Variants in ZFYVE1 observed in about 807,000 individuals in gnomAD.
ZFYVE1 encodes zinc finger FYVE-type containing 1, also known as zinc finger FYVE domain-containing protein 1.
ZFYVE1 carries 30 observed loss-of-function variants against 74.4 expected under a neutral mutation model. The observed-to-expected ratio is 0.40, with a 90% CI of 0.30 to 0.55. The LOEUF is 0.55. Ranked by LOEUF, ZFYVE1 falls within the 20% of genes least tolerant of loss-of-function variation. The pLI, the probability that ZFYVE1 is intolerant of heterozygous loss-of-function variation, is 0.42. For missense variants in ZFYVE1, 703 were observed against 1,011.6 expected (o/e 0.69, Z 4.14); for synonymous variants, 335 against 385.1 (o/e 0.87, Z 1.52).
chr14:72,972,739 G>A (rs866504386), intron 11 of ZFYVE1, among the ~76,000 whole-genome samples: 1 of 147,146 alleles, frequency 6.8e-6, no homozygotes, highest in African/African-American at 2.5e-5. Context: ...ACAGAGTCTC[G>A]CTCTGTTGCC....
Position 73,012,004 on chromosome 14 carries a change from C to T in ZFYVE1, c.483+12022G>A, listed in dbSNP as rs575971951. The stretch of plus-strand genomic sequence containing the variant: ...GCCGAGGCAGAAGGATCATGTGAGG[C>T]CAGGACTTTGAGACCAGCCTGGGCA... On this transcript the variant is annotated intron_variant, in intron 2 of 11. Transcript: ENST00000556143. 4.2e-4 allele frequency among the ~76,000 whole-genome samples: 64 copies of T among 151,584 alleles called. 1 individual carries two copies. The highest frequency in any genetic ancestry group is 1.4e-3 in the African/African-American group (57 of 41,390).
In ZFYVE1 at chr14:72,969,478, A is replaced by G; in HGVS notation, c.*1404T>C. 1 of 481,504 alleles carries G rather than the reference A, an allele frequency of 2.1e-6. No individual in the cohort carries two copies. The highest frequency in any genetic ancestry group is 3.8e-5 in the Admixed American group (1 of 26,446). 29.8% of individuals were successfully genotyped at this position (481,504 alleles called of 1,614,324 possible). On this transcript the variant is annotated 3_prime_UTR_variant, in exon 12 of 12. Transcript: ENST00000556143. The stretch of plus-strand genomic sequence containing the variant: ...CAGGAAGATTCCTTTATGATGGCGA[A>G]TTGGATGGTACACAGTTCTAGAGTA...
Position 72,997,856 on chromosome 14 carries a change from C to T in ZFYVE1, c.943G>A (p.Val315Ile). 1.2e-6 allele frequency: 2 copies of T among 1,609,980 alleles called. No individual in the cohort carries two copies. The highest frequency in any genetic ancestry group is 1.7e-6 in the Non-Finnish European group (2 of 1,176,650). ...DVPLSTLGPA[V>I]IIFHETVHTQ... ...TGCACGGTCTCATGGAAGATGATAACTGCAGGGCCCAGTGTGGATAAAGGG... is the reference window on the plus strand; with the variant it reads ...TGCACGGTCTCATGGAAGATGATAATTGCAGGGCCCAGTGTGGATAAAGGG... The change falls in exon 3 of 12, where the codon GTT becomes ATT. Residue 315 changes from valine to isoleucine, a missense_variant. Transcript: ENST00000556143.
At chr14:73,013,627 G>C (rs752899458) in intron 2 of ZFYVE1, among the ~76,000 whole-genome samples, 3 of 151,560 alleles carry the variant, frequency 2.0e-5, no homozygotes, top group Non-Finnish European at 4.4e-5. Context: ...AACAAGAAAA[G>C]AAGGGGAAAA....
chr14:72,991,183 A>ATTTTTT (rs57153409), intron 4 of ZFYVE1, among the ~76,000 whole-genome samples: 5 of 83,568 alleles, frequency 6.0e-5, no homozygotes, highest in Admixed American at 1.6e-4. Flanking sequence ...CCCTGATGGT[A>ATTTTTT]TTTTTTTTTT....
At chr14:73,004,208 G>A (rs74062631) in intron 2 of ZFYVE1, among the ~76,000 whole-genome samples, 1,619 of 152,230 alleles carry the variant, frequency 0.011, 27 homozygotes, top group African/African-American at 0.034. Context: ...AAGCTCTACC[G>A]GCACGGAGTC....
chr14:73,012,392 C>A (rs1447889272), intron 2 of ZFYVE1, among the ~76,000 whole-genome samples: 1 of 152,082 alleles, frequency 6.6e-6, no homozygotes, highest in Non-Finnish European at 1.5e-5. Flanking sequence ...GAGGCTGAGG[C>A]GGGTGGATCA....
At position 72,969,566 on chromosome 14, in the gene ZFYVE1, A is replaced by G; in HGVS notation, c.*1316T>C. ...AGGGCTGAGAGGGACGACACACTCC[A>G]GGGCTCATGTCACACCGATAGGCGC... On this transcript the variant is annotated 3_prime_UTR_variant, in exon 12 of 12. Coordinates refer to ENST00000556143, the MANE Select transcript of ZFYVE1 (RefSeq NM_021260.4). The G allele has an allele frequency of 4.8e-6, 3 of 631,058 alleles. No individual in the cohort carries two copies. Among genetic ancestry groups the G allele is most frequent in the Non-Finnish European group, 8.5e-6 (3 of 353,170 alleles). The allele number at this position is 631,058 out of a possible 1,614,324, so 39.1% of individuals were successfully genotyped here. A position where few individuals can be genotyped will look rare whatever the true frequency, so the allele number is the denominator to read the frequency against.
chr14:73,019,924 C>T (rs1027583059), intron 2 of ZFYVE1, among the ~76,000 whole-genome samples: 3 of 149,976 alleles, frequency 2.0e-5, no homozygotes, highest in South Asian at 2.1e-4. Flanking sequence ...GCACTCCAGC[C>T]GGGGCAACAG....
chr14:72,994,322 CAAAAAAAAAAAAAAAAAAA>C (rs71109776), intron 3 of ZFYVE1, among the ~76,000 whole-genome samples: 1 of 31,128 alleles, frequency 3.2e-5, no homozygotes, highest in African/African-American at 1.2e-4. Flanking sequence ...GACGCTGTCT[CAAAAAAAAAAAAAAAAAAA>C]AAAAAAAAGT....
intron 2 of ZFYVE1, among the ~76,000 whole-genome samples, chr14:73,005,709 C>G (rs991121887): frequency 6.6e-6 from 1 of 152,156 alleles, no homozygotes; most frequent in Non-Finnish European, 1.5e-5. Flanking sequence ...AGCACAGTGC[C>G]TGGCATGGAG....
At chr14:73,007,011 C>G (rs1194767108) in intron 2 of ZFYVE1, among the ~76,000 whole-genome samples, 1 of 152,034 alleles carries the variant, frequency 6.6e-6, no homozygotes, top group East Asian at 1.9e-4. Flanking sequence ...CTGCGCCCAG[C>G]CCCAATTTAG....
intron 2 of ZFYVE1, among the ~76,000 whole-genome samples, chr14:73,003,741 T>C (rs975572604): frequency 1.3e-5 from 2 of 152,076 alleles, no homozygotes; most frequent in African/African-American, 4.8e-5. Flanking sequence ...CTCATTATTA[T>C]ATTAATGACA....
chr14:72,992,622 C>CT (rs1555532812), intron 4 of ZFYVE1, among the ~76,000 whole-genome samples: 1 of 112,962 alleles, frequency 8.9e-6, no homozygotes, highest in Non-Finnish European at 2.0e-5. Context: ...GGTGCCCCCC[C>CT]CGCCCCTTGC....
chr14:72,975,006 A>C lies in ZFYVE1; in HGVS notation c.1807-47T>G. On this transcript the variant is annotated intron_variant, in intron 9 of 11. Transcript: ENST00000556143. This position sits in a 1 kb window ranked among gnomAD's most constrained non-coding sequence, Gnocchi z 4.1. Reference sequence around the variant, plus strand: ...ACAGAGAGGCAGGTAGGTATGGTACATGTCTGCTCAGCTGAGAAAGTCAAC... The same window carrying C: ...ACAGAGAGGCAGGTAGGTATGGTACCTGTCTGCTCAGCTGAGAAAGTCAAC... 2 of 1,550,184 alleles carry C rather than the reference A, an allele frequency of 1.3e-6. No individual in the cohort carries two copies.
At chr14:73,000,931 G>A (rs1022003710) in intron 2 of ZFYVE1, among the ~76,000 whole-genome samples, 9 of 152,186 alleles carry the variant, frequency 5.9e-5, no homozygotes, top group African/African-American at 1.9e-4. Flanking sequence ...TTCAATATGC[G>A]TCGGTTATTC....
Position 72,975,977 on chromosome 14 carries a change from G to A in ZFYVE1, c.1636-256C>T, listed in dbSNP as rs1893159573. 1.3e-5 allele frequency: 5 copies of A among 394,426 alleles called. No homozygotes were observed. In the South Asian group the frequency reaches 2.4e-4, roughly 19 times the overall value. The allele number at this position is 394,426 out of a possible 1,614,324, so 24.4% of individuals were successfully genotyped here. ...CAGGAGATGACACCTCCTCCAGGGGGCCCCGCACCGCAGGCTGAGTTAAGA... is the reference window on the plus strand; with the variant it reads ...CAGGAGATGACACCTCCTCCAGGGGACCCCGCACCGCAGGCTGAGTTAAGA... On this transcript the variant is annotated intron_variant, in intron 8 of 11. Transcript: ENST00000556143. This position sits in a 1 kb window ranked among gnomAD's most constrained non-coding sequence, Gnocchi z 4.1.
intron 4 of ZFYVE1, among the ~76,000 whole-genome samples, chr14:72,991,415 T>C (rs2140360799): frequency 6.6e-6 from 1 of 152,204 alleles, no homozygotes; most frequent in East Asian, 1.9e-4. Context: ...GGTCTCGATC[T>C]CCTGACCTCG....
At chr14:72,984,157 C>G (rs1893416356) in intron 4 of ZFYVE1, among the ~76,000 whole-genome samples, 3 of 151,902 alleles carry the variant, frequency 2.0e-5, no homozygotes, top group Admixed American at 2.0e-4. Context: ...AAGCGGCAAC[C>G]CTGGACTTCA....
Sources: gnomAD v4.1 joint callset for allele counts (sites outside exome capture counted in the v4.1 genomes callset) on GRCh38, gnomAD v4.1.1 for gene constraint, Gnocchi (gnomAD v3.1) non-coding constraint, MANE v1.5 for transcripts, NCBI Gene and HGNC (gene_info 2026-07-23, HGNC 2026-07-21) for gene names.